The following CREB3L2 variants were observed in gnomAD, a reference collection of about 807,000 sequenced individuals.
CREB3L2 encodes the protein cyclic AMP-responsive element-binding protein 3-like protein 2.
A neutral mutation model predicts 57.2 loss-of-function variants in CREB3L2; 23 were observed. The ratio of observed to expected loss-of-function variants is 0.40; its 90% CI spans 0.29 to 0.57. CREB3L2 has a LOEUF of 0.57. Ranked by LOEUF, CREB3L2 falls within the 20% of genes least tolerant of loss-of-function variation. CREB3L2 has a pLI of 0.42. For synonymous variants in CREB3L2, 268 were observed against 265.1 expected (o/e 1.01, Z -0.11); for missense variants, 628 against 634.7 (o/e 0.99, Z 0.11).
At chr7:137,920,793 C>A (rs1311917298) in intron 2 of CREB3L2, among the ~76,000 whole-genome samples, 2 of 152,190 alleles carry the variant, frequency 1.3e-5, no homozygotes, top group East Asian at 3.9e-4. Context: ...TTGGTGAGAA[C>A]AGCATTCCAG....
chr7:137,961,115 T>G (rs1274440727), intron 1 of CREB3L2, among the ~76,000 whole-genome samples: 3 of 149,152 alleles, frequency 2.0e-5, no homozygotes, highest in African/African-American at 4.9e-5. Flanking sequence ...AAAACCAATC[T>G]ATTATTTTAG....
chr7:137,997,890 G>A (rs1252336451), intron 1 of CREB3L2, among the ~76,000 whole-genome samples: 1 of 152,106 alleles, frequency 6.6e-6, no homozygotes, highest in Non-Finnish European at 1.5e-5. Flanking sequence ...TCTCACGGTG[G>A]TACCGAACCC....
chr7:137,946,814 TTATCTATATAGTTATC>T (rs1205510996), intron 1 of CREB3L2, among the ~76,000 whole-genome samples: 779 of 56,372 alleles, frequency 0.014, 154 homozygotes, highest in African/African-American at 0.042. Context: ...TTATATATAG[TTATCTATATAGTTATC>T]TATATATAGT....
intron 4 of CREB3L2, among the ~76,000 whole-genome samples, chr7:137,912,069 G>A (rs1178042420): frequency 6.6e-6 from 1 of 152,002 alleles, no homozygotes; most frequent in Non-Finnish European, 1.5e-5. Context: ...CATAGAGAAA[G>A]ATAAATATAG....
chr7:137,984,998 G>A (rs996151396), intron 1 of CREB3L2, among the ~76,000 whole-genome samples: 6 of 152,182 alleles, frequency 3.9e-5, no homozygotes, highest in East Asian at 3.8e-4. Flanking sequence ...TGAGTTTTGC[G>A]GGGAGCTGGG....
intron 1 of CREB3L2, among the ~76,000 whole-genome samples, chr7:137,970,934 C>T (rs1170101316): frequency 2.0e-5 from 3 of 152,214 alleles, no homozygotes; most frequent in African/African-American, 4.8e-5. Flanking sequence ...ACCTACACTA[C>T]GGTTACTTTA....
intron 1 of CREB3L2, among the ~76,000 whole-genome samples, chr7:137,986,490 T>G (rs893054850): frequency 6.6e-6 from 1 of 152,212 alleles, no homozygotes; most frequent in Non-Finnish European, 1.5e-5. Flanking sequence ...CAAAGCACCA[T>G]GCAGATATCA....
chr7:137,928,718 T>A (rs769423569), intron 1 of CREB3L2, among the ~76,000 whole-genome samples: 6 of 152,036 alleles, frequency 3.9e-5, no homozygotes, highest in Non-Finnish European at 8.8e-5. Context: ...AGGCCGGGCT[T>A]CCTCCCATGA....
chr7:137,964,279 G>A (rs538788274), intron 1 of CREB3L2, among the ~76,000 whole-genome samples: 4 of 152,272 alleles, frequency 2.6e-5, no homozygotes, highest in Non-Finnish European at 5.9e-5. Flanking sequence ...TCATGTCATC[G>A]CACTCCAGCC....
rs372731384 is a variant in CREB3L2 at position 137,878,947 on chromosome 7, CAG to C, written c.*1527_*1528del. 4.2e-3 allele frequency: 1,648 copies of C among 391,138 alleles called. 2 individuals carry two copies. The highest frequency in any genetic ancestry group is 9.0e-3 in the South Asian group (352 of 39,220). 24.2% of individuals were successfully genotyped at this position (391,138 alleles called of 1,614,324 possible). On this transcript the variant is annotated 3_prime_UTR_variant, in exon 12 of 12. Transcript: ENST00000330387. ...GTGGGGGGAGAGAGAGAAGGAGAGA[CAG>C]AGAGAGAGAGGGAGAGAGAGAAGCC...
intron 1 of CREB3L2, among the ~76,000 whole-genome samples, chr7:137,972,713 ATATATAT>A (rs1169484696): frequency 9.1e-5 from 3 of 32,930 alleles, no homozygotes; most frequent in Admixed American, 3.5e-4. Context: ...AAAAAAAAAA[ATATATAT>A]ATATATATAT....
At chr7:137,994,671 C>T (rs964321337) in intron 1 of CREB3L2, among the ~76,000 whole-genome samples, 5 of 152,098 alleles carry the variant, frequency 3.3e-5, no homozygotes, top group East Asian at 1.9e-4. Context: ...CTGGGCCGGA[C>T]GTGATAGCTC....
rs2352135 is a variant in CREB3L2 at position 137,896,701 on chromosome 7, G to A, written c.1043+4653C>T. Among the ~76,000 whole-genome samples the A allele has an allele frequency of 4.2e-3, 643 of 152,252 alleles. 6 individuals are homozygous for A. Among genetic ancestry groups the A allele is most frequent in the African/African-American group, 0.014 (602 of 41,550 alleles). On this transcript the variant is annotated intron_variant, in intron 8 of 11. Coordinates refer to ENST00000330387, the MANE Select transcript of CREB3L2 (RefSeq NM_194071.4). ...TTACTACCATAAAAGCGTTATCCAC[G>A]AGGAGAGGTGAGTCTTGAAGAGGGA...
intron 1 of CREB3L2, among the ~76,000 whole-genome samples, chr7:137,961,361 C>G (rs942527594): frequency 1.3e-5 from 2 of 152,178 alleles, no homozygotes; most frequent in African/African-American, 4.8e-5. Context: ...GGGGAAGGAA[C>G]ATCATGGGGG....
At chr7:137,918,393 G>A (rs28421474) in intron 2 of CREB3L2, among the ~76,000 whole-genome samples, 8,592 of 152,176 alleles carry the variant, frequency 0.056, 795 homozygotes, top group African/African-American at 0.2. Flanking sequence ...GTTTTGTCAT[G>A]TTGACCAGGC....
intron 10 of CREB3L2, among the ~76,000 whole-genome samples, chr7:137,882,913 C>CT (rs1419737423): frequency 1.3e-5 from 2 of 152,030 alleles, no homozygotes; most frequent in African/African-American, 4.8e-5. Flanking sequence ...AAAACTCCCC[C>CT]CTTACCACCC....
At chr7:137,956,750 G>T in intron 1 of CREB3L2, 1 of 719,040 alleles carries the variant, frequency 1.4e-6, no homozygotes, top group South Asian at 1.5e-5. Flanking sequence ...AAACATTTGC[G>T]ATTGCTAGCA....
intron 2 of CREB3L2, among the ~76,000 whole-genome samples, chr7:137,919,780 T>C (rs1800229986): frequency 1.3e-5 from 2 of 152,218 alleles, no homozygotes; most frequent in South Asian, 2.1e-4. Flanking sequence ...AAAAGACTTA[T>C]AATGAAATAT....
intron 1 of CREB3L2, among the ~76,000 whole-genome samples, chr7:137,978,541 T>C (rs907687263): frequency 1.3e-5 from 2 of 152,166 alleles, no homozygotes; most frequent in Non-Finnish European, 2.9e-5. Flanking sequence ...GTTCTGGAAG[T>C]TGGCAATGGC....
Sources: gnomAD v4.1 joint callset for allele counts (sites outside exome capture counted in the v4.1 genomes callset) on GRCh38, gnomAD v4.1.1 for gene constraint, MANE v1.5 for transcripts, NCBI Gene and HGNC (gene_info 2026-07-23, HGNC 2026-07-21) for gene names.